RAB11FIP5: variants seen among roughly 807,000 people sequenced by gnomAD.
The protein encoded by RAB11FIP5 is RAB11 family interacting protein 5.
Under a neutral mutation model 85.1 loss-of-function variants are expected in RAB11FIP5, and 48 were observed. The observed-to-expected ratio is 0.56, with a 90% CI of 0.45 to 0.72. RAB11FIP5 has a LOEUF of 0.72. RAB11FIP5 is among the 30% of genes least tolerant of loss of function. RAB11FIP5 has a pLI of 0.00. For missense variants in RAB11FIP5, 1,491 were observed against 1,687.0 expected, an observed-to-expected ratio of 0.88 and a Z score of 2.04; for synonymous variants, 729 against 727.3, an observed-to-expected ratio of 1.00 and a Z score of -0.04.
At chr2:73,085,142 T>C (rs1369767233) in intron 3 of RAB11FIP5, among the ~76,000 whole-genome samples, 1 of 152,146 alleles carries the variant, frequency 6.6e-6, no homozygotes, top group African/African-American at 2.4e-5. Flanking sequence ...GAGCACATTA[T>C]AGTTACTCAT....
In RAB11FIP5 at chr2:73,079,904, G is replaced by C; in HGVS notation, c.3328C>G (p.Leu1110Val). ...PPEPDFPPPP[L>V]PPWASHHRGG... ...CGGTGGTGGCTGGCCCAAGGCGGGAGAGGGGGCGGTGGAAAGTCAGGCTCT... is the reference window on the plus strand; with the variant it reads ...CGGTGGTGGCTGGCCCAAGGCGGGACAGGGGGCGGTGGAAAGTCAGGCTCT... The change falls in exon 4 of 6, where the codon CTC (leucine) becomes GTC (valine). Residue 1110 changes from leucine (L) to valine (V), a missense_variant. Leu to Val is a conservative substitution (Grantham distance 32). Around this residue, in one of 3 missense-constraint regions of RAB11FIP5, gnomAD observed 48 missense variants for 89.9 expected, o/e 0.53. Transcript: ENST00000486777. 1 of 1,232,488 alleles carries C rather than the reference G, an allele frequency of 8.1e-7. No homozygotes were observed. The highest frequency in any genetic ancestry group is 4.2e-5 in the Admixed American group (1 of 23,730). The allele number at this position is 1,232,488 out of a possible 1,614,324, so 76.3% of individuals were successfully genotyped here.
At position 73,088,151 on chromosome 2, in the gene RAB11FIP5, G is replaced by A; in HGVS notation, c.1467C>T (p.Pro489=). 3 of 1,614,080 alleles carry A rather than the reference G, an allele frequency of 1.9e-6. No homozygotes were observed. The highest frequency in any genetic ancestry group is 2.5e-6 in the Non-Finnish European group (3 of 1,180,018). The change falls in exon 3 of 6, where the codon CCC becomes CCT. Residue 489 remains proline (P), a synonymous_variant. Coordinates refer to ENST00000486777, the MANE Select transcript of RAB11FIP5 (RefSeq NM_001371272.1). The stretch of plus-strand genomic sequence containing the variant: ...AGTGATGTGGGGAGGCCCCCAGGAT[G>A]GGACCCCCCTTTTCCCCCAGAGAGC... ...RRSSLGEKGG[P]ILGASPHHSS...
chr2:73,088,083 A>G lies in RAB11FIP5; in HGVS notation c.1535T>C (p.Leu512Ser), dbSNP rs531481854. 2.5e-6 allele frequency: 4 copies of G among 1,608,064 alleles called. No individual in the cohort carries two copies. In the African/African-American group the frequency reaches 5.4e-5, roughly 22 times the overall value. ...CTGAGTCGGGTCCTTGGCTTCTCTCAAGCCAAACCAGCTACTCTTGGCCTT... is the reference window on the plus strand; with the variant it reads ...CTGAGTCGGGTCCTTGGCTTCTCTCGAGCCAAACCAGCTACTCTTGGCCTT... ...EEKAKSSWFG[L>S]REAKDPTQKP... Residue 512 changes from leucine (L) to serine (S), a missense_variant, in exon 3 of 6, where the codon TTG becomes TCG. By Grantham distance (145) the Leu-to-Ser change is moderately radical. Coordinates refer to ENST00000486777, the MANE Select transcript of RAB11FIP5 (RefSeq NM_001371272.1).
chr2:73,086,681 C>A lies in RAB11FIP5; in HGVS notation c.1568+1369G>T, dbSNP rs917317767. Among the ~76,000 whole-genome samples the A allele has an allele frequency of 6.6e-6, 1 of 152,198 alleles. No individual in the cohort carries two copies. The highest frequency in any genetic ancestry group is 1.5e-5 in the Non-Finnish European group (1 of 68,036). On this transcript the variant is annotated intron_variant, in intron 3 of 5. Coordinates refer to ENST00000486777, the MANE Select transcript of RAB11FIP5 (RefSeq NM_001371272.1). The surrounding 1 kb of genome is among the most constrained non-coding windows in gnomAD (Gnocchi z 4.4). ...TCCAAATACCTCTGGCTGGCTGTCA[C>A]AGGGACACCAGGCTCAGCCTGGCAT...
chr2:73,087,279 C>G (rs1040609941), intron 3 of RAB11FIP5, among the ~76,000 whole-genome samples: 4 of 152,224 alleles, frequency 2.6e-5, no homozygotes, highest in Admixed American at 1.3e-4. Flanking sequence ...ATTCTGCAGC[C>G]TCTCCTGGCT....
At position 73,088,072 on chromosome 2, in the gene RAB11FIP5, T is replaced by C. The variant is rs752549381; in HGVS notation, c.1546A>G (p.Lys516Glu). ...TACCTGGGTTTCTGAGTCGGGTCCT[T>C]GGCTTCTCTCAAGCCAAACCAGCTA... ...KSSWFGLREA[K>E]DPTQKPSLDV... Residue 516 changes from lysine (K) to glutamate (E), a missense_variant, in exon 3 of 6, where the codon AAG (lysine) becomes GAG (glutamate). This residue lies in a region of RAB11FIP5 where 1,211 missense variants were observed against 1,338.0 expected (regional missense o/e 0.91). Coordinates refer to ENST00000486777, the MANE Select transcript of RAB11FIP5 (RefSeq NM_001371272.1). 63 of 1,604,046 alleles carry C rather than the reference T, an allele frequency of 3.9e-5. No homozygotes were observed. The highest frequency in any genetic ancestry group is 5.1e-5 in the Non-Finnish European group (60 of 1,174,006).
chr2:73,091,175 T>C (rs1405877096), intron 1 of RAB11FIP5, among the ~76,000 whole-genome samples: 1 of 152,238 alleles, frequency 6.6e-6, no homozygotes, highest in Non-Finnish European at 1.5e-5. Context: ...CCTACAAGTA[T>C]GCAGCGCAAT....
rs541135441 is a variant in RAB11FIP5, at chr2:73,081,909, T to G, written c.1569-246A>C. 6.6e-6 allele frequency among the ~76,000 whole-genome samples: 1 copy of G among 152,282 alleles called. No individual in the cohort carries two copies. Among genetic ancestry groups the G allele is most frequent in the African/African-American group, 2.4e-5 (1 of 41,552 alleles). ...ACTCCAACCCCAGAGAGAAATCATC[T>G]CATCTGATAGGCAGGATCCGATCCA... On this transcript the variant is annotated intron_variant, in intron 3 of 5. Transcript: ENST00000486777. This position sits in a 1 kb window ranked among gnomAD's most constrained non-coding sequence, Gnocchi z 4.2.
At position 73,080,813 on chromosome 2, in the gene RAB11FIP5, C is replaced by T. The variant is rs948862901; in HGVS notation, c.2419G>A (p.Ala807Thr). The T allele has an allele frequency of 1.6e-5, 20 of 1,232,390 alleles. No homozygotes were observed. Among genetic ancestry groups the T allele is most frequent in the East Asian group, 1.3e-4 (4 of 31,720 alleles). The allele number at this position is 1,232,390 out of a possible 1,614,324, so 76.3% of individuals were successfully genotyped here. Residue 807 changes from alanine (A) to threonine (T), a missense_variant, in exon 4 of 6, where the codon GCT becomes ACT. By Grantham distance (58) the Ala-to-Thr change is moderately conservative. Coordinates refer to ENST00000486777, the MANE Select transcript of RAB11FIP5 (RefSeq NM_001371272.1). Reference sequence around the variant, plus strand: ...GACTCATCGTCCTGGCCCTCAGCAGCGCTCTCTGGGCCCGGCAGCCTCTCC... The same window carrying T: ...GACTCATCGTCCTGGCCCTCAGCAGTGCTCTCTGGGCCCGGCAGCCTCTCC... The part of the protein sequence containing the change: ...VWERLPGPES[A>T]AEGQDDESSR...
intron 1 of RAB11FIP5, among the ~76,000 whole-genome samples, chr2:73,103,799 AC>A (rs1450801040): frequency 2.0e-5 from 3 of 152,208 alleles, no homozygotes; most frequent in Admixed American, 6.5e-5. Context: ...AAAAGCAACA[AC>A]CCTGCCCAGG....
At position 73,074,976 on chromosome 2, in the gene RAB11FIP5, G is replaced by T. The variant is rs570543396; in HGVS notation, c.*545C>A. On this transcript the variant is annotated 3_prime_UTR_variant, in exon 6 of 6. Transcript: ENST00000486777. Reference sequence around the variant, plus strand: ...GCAGAGACTGGCCCAGACCACACAGGCTTCTTGCTCTCAGGGGAATGGGTG... The same window carrying T: ...GCAGAGACTGGCCCAGACCACACAGTCTTCTTGCTCTCAGGGGAATGGGTG... 5 of 353,306 alleles carry T rather than the reference G, an allele frequency of 1.4e-5. No homozygotes were observed. Among genetic ancestry groups the T allele is most frequent in the Non-Finnish European group, 2.2e-5 (4 of 179,428 alleles). 21.9% of individuals were successfully genotyped at this position (353,306 alleles called of 1,614,324 possible). A position where few individuals can be genotyped will look rare whatever the true frequency, so the allele number is the denominator to read the frequency against.
intron 4 of RAB11FIP5, among the ~76,000 whole-genome samples, chr2:73,077,523 T>C (rs1024665348): frequency 6.6e-6 from 1 of 152,224 alleles, no homozygotes; most frequent in African/African-American, 2.4e-5. Context: ...TTTAATGGCT[T>C]CTATCAAGGT....
In RAB11FIP5 at chr2:73,080,222, T is replaced by C. The variant is rs1167087042; in HGVS notation, c.3010A>G (p.Ile1004Val). ...GCCAAGCTCTTTGAGTGACAGGGTA[T>C]GGGGGCAGGACCCTCAGGGCAGCTG... ...PASCPEGPAP[I>V]PCHSKSLALQ... is the part of the protein sequence containing the mutation. The change falls in exon 4 of 6, where the codon ATA becomes GTA. Residue 1004 changes from isoleucine to valine, a missense_variant. By Grantham distance (29) the Ile-to-Val change is conservative. Around this residue, in one of 3 missense-constraint regions of RAB11FIP5, gnomAD observed 1,211 missense variants for 1,338.0 expected, o/e 0.91. Transcript: ENST00000486777. The C allele has an allele frequency of 2.0e-5, 25 of 1,232,424 alleles. No homozygotes were observed. Among genetic ancestry groups the C allele is most frequent in the Non-Finnish European group, 2.3e-5 (23 of 988,312 alleles). 76.3% of individuals were successfully genotyped at this position (1,232,424 alleles called of 1,614,324 possible).
intron 3 of RAB11FIP5, among the ~76,000 whole-genome samples, chr2:73,087,321 A>C (rs1684110385): frequency 6.6e-6 from 1 of 152,218 alleles, no homozygotes; most frequent in African/African-American, 2.4e-5. Context: ...GGTAGGCATC[A>C]GGGTCTCTGC....
rs764184258 is a variant in RAB11FIP5 at position 73,076,133 on chromosome 2, C to T, written c.3631G>A (p.Asp1211Asn). The T allele has an allele frequency of 1.5e-5, 24 of 1,613,674 alleles. No individual in the cohort carries two copies. The highest frequency in any genetic ancestry group is 1.6e-4 in the Middle Eastern group (1 of 6,082). ...AGACTGGAGCGGGACTGCTTCCTGTCGGGGCTGCCCTCCACAGGGGCGGCA... is the reference window on the plus strand; with the variant it reads ...AGACTGGAGCGGGACTGCTTCCTGTTGGGGCTGCCCTCCACAGGGGCGGCA... The part of the protein sequence containing the change: ...LSAAPVEGSP[D>N]RKQSRSSLSI... The change falls in exon 5 of 6, where the codon GAC becomes AAC. Residue 1211 changes from aspartate to asparagine, a missense_variant. Around this residue, in one of 3 missense-constraint regions of RAB11FIP5, gnomAD observed 232 missense variants for 259.1 expected, o/e 0.90. Transcript: ENST00000486777.
chr2:73,084,718 C>T (rs1684060495), intron 3 of RAB11FIP5, among the ~76,000 whole-genome samples: 1 of 152,234 alleles, frequency 6.6e-6, no homozygotes, highest in Admixed American at 6.5e-5. Context: ...GACAACTCTT[C>T]CTTGGGCTGA....
chr2:73,098,642 G>A (rs1684370035), intron 1 of RAB11FIP5, among the ~76,000 whole-genome samples: 1 of 152,098 alleles, frequency 6.6e-6, no homozygotes, highest in African/African-American at 2.4e-5. Context: ...GCCTCCCTCT[G>A]CAAGTACAAC....
intron 1 of RAB11FIP5, among the ~76,000 whole-genome samples, chr2:73,109,236 C>T (rs1428113411): frequency 6.6e-6 from 1 of 152,114 alleles, no homozygotes; most frequent in African/African-American, 2.4e-5. Flanking sequence ...TATTTGGAAG[C>T]CTCTGGTGAA....
In RAB11FIP5 at chr2:73,089,411, G is replaced by T; in HGVS notation, c.432-96C>A. The T allele has an allele frequency of 1.6e-6, 2 of 1,268,332 alleles. No homozygotes were observed. Among genetic ancestry groups the T allele is most frequent in the Non-Finnish European group, 2.3e-6 (2 of 877,542 alleles). The allele number at this position is 1,268,332 out of a possible 1,614,324, so 78.6% of individuals were successfully genotyped here. A position where few individuals can be genotyped will look rare whatever the true frequency, so the allele number is the denominator to read the frequency against. ...CACTGCCCAGACCCCTCCTTGCTCT[G>T]AGAGCCACTGATAGCCTCTCCCCAA... On this transcript the variant is annotated intron_variant, in intron 1 of 5. Coordinates refer to ENST00000486777, the MANE Select transcript of RAB11FIP5 (RefSeq NM_001371272.1). This position sits in a 1 kb window ranked among gnomAD's most constrained non-coding sequence, Gnocchi z 4.6.
Sources: allele counts gnomAD v4.1 joint callset (sites outside exome capture counted in the v4.1 genomes callset), GRCh38; gene constraint gnomAD v4.1.1; regional missense constraint gnomAD v4.1.1; non-coding constraint Gnocchi (gnomAD v3.1); transcripts MANE v1.5; gene names NCBI Gene and HGNC (gene_info 2026-07-23, HGNC 2026-07-21).